TNR: variants seen among roughly 807,000 people sequenced by gnomAD.
The protein encoded by TNR is tenascin-R.
A neutral mutation model predicts 150.4 loss-of-function variants in TNR; 45 were observed. The observed-to-expected ratio is 0.30, with a 90% confidence interval of 0.24 to 0.38. TNR has a LOEUF of 0.38. Among genes scored for constraint, TNR ranks in the 10% least tolerant of loss-of-function variants. The pLI, the probability that TNR is intolerant of heterozygous loss-of-function variation, is 1.00. For synonymous variants in TNR, 687 were observed against 678.4 expected, an observed-to-expected ratio of 1.01 and a Z score of -0.20; for missense variants, 1,544 against 1,759.1, an observed-to-expected ratio of 0.88 and a Z score of 2.19.
At chr1:175,345,264 A>G (rs1233962698) in intron 18 of TNR, among the ~76,000 whole-genome samples, 2 of 152,176 alleles carry the variant, frequency 1.3e-5, no homozygotes, top group African/African-American at 2.4e-5. Context: ...AATCCTTCAC[A>G]TGTCTGTGGC....
chr1:175,473,665 G>A (rs143470427), intron 2 of TNR, among the ~76,000 whole-genome samples: 32 of 152,322 alleles, frequency 2.1e-4, no homozygotes, highest in African/African-American at 6.7e-4. Flanking sequence ...GATTCTGCCC[G>A]CTAGACCCTA....
At chr1:175,531,532 A>G (rs1571568682) in intron 1 of TNR, among the ~76,000 whole-genome samples, 1 of 152,316 alleles carries the variant, frequency 6.6e-6, no homozygotes, top group East Asian at 1.9e-4. Context: ...AAATCCTTTT[A>G]GCTTACACAG....
At chr1:175,486,529 T>G (rs200254080) in intron 2 of TNR, among the ~76,000 whole-genome samples, 2 of 152,234 alleles carry the variant, frequency 1.3e-5, no homozygotes, top group Non-Finnish European at 2.9e-5. Flanking sequence ...CTATCATTGA[T>G]GGGCATTTGG....
chr1:175,637,790 G>T (rs531936268), intron 1 of TNR, among the ~76,000 whole-genome samples: 2 of 152,150 alleles, frequency 1.3e-5, no homozygotes, highest in Non-Finnish European at 2.9e-5. Context: ...CCTTTTCATT[G>T]TCTAAAGCTT....
chr1:175,515,639 T>C (rs1203188495), intron 2 of TNR, among the ~76,000 whole-genome samples: 1 of 152,200 alleles, frequency 6.6e-6, no homozygotes, highest in Non-Finnish European at 1.5e-5. Flanking sequence ...TGAATTGTTG[T>C]GCATTCCTTG....
chr1:175,579,615 A>T (rs1022126204), intron 1 of TNR, among the ~76,000 whole-genome samples: 42 of 151,316 alleles, frequency 2.8e-4, no homozygotes, highest in Non-Finnish European at 5.6e-4. Flanking sequence ...TTTGGATGTT[A>T]TCTAGTATCA....
At chr1:175,373,748 G>GA (rs3216196) in intron 9 of TNR, among the ~76,000 whole-genome samples, 64,714 of 151,960 alleles carry the variant, frequency 0.43, 14,057 homozygotes, top group Middle Eastern at 0.5. Context: ...CCCTGCTGAG[G>GA]AGTGGAAGCT....
chr1:175,580,462 TC>T (rs1254251661), intron 1 of TNR, among the ~76,000 whole-genome samples: 2 of 152,212 alleles, frequency 1.3e-5, no homozygotes, highest in African/African-American at 4.8e-5. Context: ...TTGCTGATTC[TC>T]CCACTGCTCA....
chr1:175,497,322 C>T (rs955283397), intron 2 of TNR, among the ~76,000 whole-genome samples: 14 of 152,164 alleles, frequency 9.2e-5, no homozygotes, highest in Non-Finnish European at 1.6e-4. Flanking sequence ...TCTCTCTCAC[C>T]GTCAATTACA....
Position 175,704,153 on chromosome 1 carries a change from A to G in TNR, c.-165+39073T>C, listed in dbSNP as rs186897247. Among the ~76,000 whole-genome samples, 257 of 152,362 alleles carry G rather than the reference A, an allele frequency of 1.7e-3. 1 individual carries two copies. Among genetic ancestry groups the G allele is most frequent in the African/African-American group, 5.8e-3 (242 of 41,590 alleles). On this transcript the variant is annotated intron_variant, in intron 1 of 22. Transcript: ENST00000367674. ...GGTGATAGTTGCTGCACAACCATGT[A>G]GATGTCCTAATAAGTACACTAAACT...
At chr1:175,496,971 C>T (rs544439084) in intron 2 of TNR, among the ~76,000 whole-genome samples, 1 of 152,278 alleles carries the variant, frequency 6.6e-6, no homozygotes, top group Non-Finnish European at 1.5e-5. Context: ...CCCCGTAAGT[C>T]CTAGACTTCA....
chr1:175,559,125 CA>C (rs1323705114), intron 1 of TNR, among the ~76,000 whole-genome samples: 8 of 152,070 alleles, frequency 5.3e-5, no homozygotes, highest in Admixed American at 1.3e-4. Context: ...ACTATACAAA[CA>C]AACAAATGAA....
chr1:175,627,022 C>T (rs922707929), intron 1 of TNR, among the ~76,000 whole-genome samples: 6 of 152,214 alleles, frequency 3.9e-5, no homozygotes, highest in African/African-American at 1.2e-4. Flanking sequence ...TTCAGAGGAA[C>T]CTAGATCCTG....
intron 2 of TNR, among the ~76,000 whole-genome samples, chr1:175,504,795 G>C (rs1241196486): frequency 3.9e-5 from 6 of 152,188 alleles, no homozygotes; most frequent in African/African-American, 1.4e-4. Context: ...GAATGTCACT[G>C]TATTTGGAAC....
chr1:175,691,025 G>A (rs1046259607), intron 1 of TNR, among the ~76,000 whole-genome samples: 1 of 152,154 alleles, frequency 6.6e-6, no homozygotes, highest in African/African-American at 2.4e-5. Context: ...GAATTTGTTG[G>A]GGTGTTTGGC....
chr1:175,355,756 G>T, intron 16 of TNR, 123 bp from the exon 17 acceptor site: 1 of 1,371,534 alleles, frequency 7.3e-7, no homozygotes, highest in Non-Finnish European at 9.9e-7. Flanking sequence ...GCTGACCCCT[G>T]CTCTGGCTTG....
intron 1 of TNR, among the ~76,000 whole-genome samples, chr1:175,691,874 C>T (rs1666378285): frequency 6.6e-6 from 1 of 152,190 alleles, no homozygotes; most frequent in African/African-American, 2.4e-5. Context: ...CCCATGCCAT[C>T]CTGAAATGGC....
intron 9 of TNR, among the ~76,000 whole-genome samples, chr1:175,377,474 T>C (rs1351563666): frequency 6.6e-6 from 1 of 151,784 alleles, no homozygotes; most frequent in Admixed American, 6.6e-5. Flanking sequence ...TTTTTTTTTT[T>C]TTTTGGATTT....
intron 1 of TNR, among the ~76,000 whole-genome samples, chr1:175,690,446 C>G (rs932442258): frequency 6.6e-6 from 1 of 152,198 alleles, no homozygotes; most frequent in Non-Finnish European, 1.5e-5. Context: ...GAGAAGGTGA[C>G]AGTCACACTG....
Sources: allele counts gnomAD v4.1 joint callset (sites outside exome capture counted in the v4.1 genomes callset), GRCh38; gene constraint gnomAD v4.1.1; transcripts MANE v1.5; gene names NCBI Gene and HGNC (gene_info 2026-07-23, HGNC 2026-07-21).